Variants in TRMT13 observed in about 807,000 individuals in gnomAD.
The protein encoded by TRMT13 is tRNA:m(4)X modification enzyme TRM13 homolog.
In TRMT13, 45 loss-of-function variants were observed where a neutral mutation model predicts 55.9. That is an observed-to-expected ratio of 0.80 (90% CI 0.63 to 1.03). The LOEUF (loss-of-function observed/expected upper bound fraction) is 1.03. Ranked by LOEUF, TRMT13 falls within the 50% of genes least tolerant of loss-of-function variation. The probability of loss-of-function intolerance (pLI) is 0.00; values close to 1 mark genes in which losing one functional copy is unlikely to be tolerated. For missense variants in TRMT13, 513 were observed against 563.9 expected (o/e 0.91, Z 0.91); for synonymous variants, 183 against 196.3 (o/e 0.93, Z 0.57).
At chr1:100,143,578 A>C (rs1294541935) in intron 8 of TRMT13, among the ~76,000 whole-genome samples, 1 of 152,082 alleles carries the variant, frequency 6.6e-6, no homozygotes, top group Non-Finnish European at 1.5e-5. Flanking sequence ...AGAAAATGAG[A>C]TATTTCTCTG....
At chr1:100,144,196 C>T in intron 9 of TRMT13, 53 bp downstream of exon 9, 2 of 1,368,172 alleles carry the variant, frequency 1.5e-6, no homozygotes, top group South Asian at 2.3e-5. Context: ...TTTGGCCTAA[C>T]CTGGCCCCAA....
At chr1:100,133,726 C>T (rs144546313) in intron 1 of TRMT13, among the ~76,000 whole-genome samples, 1 of 152,182 alleles carries the variant, frequency 6.6e-6, no homozygotes, top group African/African-American at 2.4e-5. Context: ...CTCGTGAATG[C>T]GGTTGGAAGA....
Position 100,136,863 on chromosome 1 carries a change from G to A in TRMT13, c.148-19G>A, listed in dbSNP as rs374907962. 5.8e-6 allele frequency: 9 copies of A among 1,557,650 alleles called. No homozygotes were observed. The highest frequency in any genetic ancestry group is 4.8e-5 in the South Asian group (4 of 83,212). On this transcript the variant is annotated intron_variant, in intron 1 of 10. Coordinates refer to ENST00000370141, the MANE Select transcript of TRMT13 (RefSeq NM_019083.3). ...AACTTGATATTTTATTTAAATAAAT[G>A]TATCTCTTAATTTATTAGGAAGAAG...
At chr1:100,145,038 A>G (rs757955633) in intron 9 of TRMT13, among the ~76,000 whole-genome samples, 5 of 152,180 alleles carry the variant, frequency 3.3e-5, no homozygotes, top group Admixed American at 6.5e-5. Context: ...AAATTATACC[A>G]TATTTTTACT....
intron 1 of TRMT13, 70 bp downstream of exon 1, chr1:100,133,385 C>A: frequency 6.6e-7 from 1 of 1,513,218 alleles, no homozygotes; most frequent in Non-Finnish European, 8.9e-7. Context: ...TGGAACCCGG[C>A]CCCTCCCCTC....
rs552746178 is a variant in TRMT13, at chr1:100,148,528, G to T, written c.1251-97G>T. 75 of 1,179,550 alleles carry T rather than the reference G, an allele frequency of 6.4e-5. No individual in the cohort carries two copies. In the African/African-American group the frequency reaches 9.9e-4, roughly 16 times the overall value. 73.1% of individuals were successfully genotyped at this position (1,179,550 alleles called of 1,614,324 possible). On this transcript the variant is annotated intron_variant, in intron 10 of 10. Transcript: ENST00000370141. The stretch of plus-strand genomic sequence containing the variant: ...GGACAAAGTACTTAGTACATTATGG[G>T]TTAGTTAACAGTCTCTCAATAAATA...
In TRMT13 at chr1:100,149,333, CAATT is replaced by C; in HGVS notation, c.*517_*520del. 2 of 1,541,946 alleles carry C rather than the reference CAATT, an allele frequency of 1.3e-6. No homozygotes were observed. The highest frequency in any genetic ancestry group is 1.7e-6 in the Non-Finnish European group (2 of 1,144,632). On this transcript the variant is annotated 3_prime_UTR_variant, in exon 11 of 11. Transcript: ENST00000370141. ...AATGCAGACAATTCAGAGATATTCA[CAATT>C]AATAAACACAATTAATTAATGAAGT...
intron 9 of TRMT13, among the ~76,000 whole-genome samples, chr1:100,144,890 G>A (rs548853585): frequency 6.6e-6 from 1 of 152,280 alleles, no homozygotes; most frequent in South Asian, 2.1e-4. Flanking sequence ...AGCATCCATA[G>A]ATATTATTCA....
intron 1 of TRMT13, among the ~76,000 whole-genome samples, chr1:100,133,665 A>G (rs746369952): frequency 5.9e-5 from 9 of 152,152 alleles, no homozygotes; most frequent in Non-Finnish European, 1.2e-4. Context: ...TGAAGTCCCA[A>G]AGGTTTCACT....
rs766214911 is a variant in TRMT13 at position 100,140,515 on chromosome 1, G to A, written c.501+1G>A. The A allele has an allele frequency of 1.2e-6, 2 of 1,605,870 alleles. No homozygotes were observed. Among genetic ancestry groups the A allele is most frequent in the Non-Finnish European group, 8.5e-7 (1 of 1,172,572 alleles). On this transcript the variant is annotated splice_donor_variant, in intron 6 of 10. Transcript: ENST00000370141. LOFTEE classifies it high-confidence loss of function. ...TGCAACCAAGCACCTGAAACAGCAG[G>A]TATGTTTAGGCTATAGTAACTACTA...
chr1:100,141,782 A>G (rs1481642302), intron 7 of TRMT13, among the ~76,000 whole-genome samples: 1 of 152,244 alleles, frequency 6.6e-6, no homozygotes, highest in Non-Finnish European at 1.5e-5. Context: ...ATGGAGAATG[A>G]CTATGTAGAA....
rs559507993 is a variant in TRMT13 at position 100,133,244 on chromosome 1, A to T, written c.76A>T (p.Lys26Ter). The T allele has an allele frequency of 6.2e-7, 1 of 1,614,110 alleles. No homozygotes were observed. The highest frequency in any genetic ancestry group is 1.1e-5 in the South Asian group (1 of 91,084). Residue 26 changes from lysine to a stop codon, truncating the protein, a stop_gained, in exon 1 of 11, where the codon AAG (lysine) becomes TAG (stop). Transcript: ENST00000370141. LOFTEE classifies it high-confidence loss of function. ...EGRCGYYVEK[K>*]KRFCRMVVAA... ...TAGATGCGGTTACTATGTGGAAAAG[A>T]AGAAACGGTTCTGCAGGATGGTGGT...
At chr1:100,139,777 AG>A in intron 4 of TRMT13, 66 bp downstream of exon 4, 12 of 1,004,088 alleles carry the variant, frequency 1.2e-5, no homozygotes, top group Non-Finnish European at 1.8e-5. Flanking sequence ...GATGTGAATA[AG>A]GCATGTTCTA....
At chr1:100,141,618 C>T (rs1344618123) in intron 7 of TRMT13, among the ~76,000 whole-genome samples, 1 of 152,166 alleles carries the variant, frequency 6.6e-6, no homozygotes, top group Non-Finnish European at 1.5e-5. Flanking sequence ...AAGTGTGAGC[C>T]ACTGTGCCCA....
At position 100,133,452 on chromosome 1, in the gene TRMT13, C is replaced by T. The variant is rs915912432; in HGVS notation, c.147+137C>T. 76 of 1,077,592 alleles carry T rather than the reference C, an allele frequency of 7.1e-5. No homozygotes were observed. The African/African-American group carries it at 1.1e-3, about 16-fold the overall frequency. 66.8% of individuals were successfully genotyped at this position (1,077,592 alleles called of 1,614,324 possible). A position where few individuals can be genotyped will look rare whatever the true frequency, so the allele number is the denominator to read the frequency against. The stretch of plus-strand genomic sequence containing the variant: ...TCTCCAGCTTTCACTTTAATAAACC[C>T]AGTTTTGCCCTCCTTGCGGAGCGAT... On this transcript the variant is annotated intron_variant, in intron 1 of 10. Transcript: ENST00000370141.
chr1:100,135,323 G>T (rs1323025616), intron 1 of TRMT13, among the ~76,000 whole-genome samples: 3 of 151,916 alleles, frequency 2.0e-5, no homozygotes, highest in Non-Finnish European at 4.4e-5. Context: ...TTTAAAGTCA[G>T]CAATAAGGAA....
Position 100,149,393 on chromosome 1 carries a change from T to C in TRMT13, c.*573T>C. On this transcript the variant is annotated 3_prime_UTR_variant, in exon 11 of 11. Transcript: ENST00000370141. ...TCAAATTTCCAGAGCCATACATGTA[T>C]ATATTGTCAGAATCTGTCCATGACA... 6.5e-7 allele frequency: 1 copy of C among 1,546,374 alleles called. No individual in the cohort carries two copies. The highest frequency in any genetic ancestry group is 1.2e-5 in the South Asian group (1 of 82,684).
chr1:100,135,247 CT>C (rs543119678), intron 1 of TRMT13, among the ~76,000 whole-genome samples: 3 of 151,300 alleles, frequency 2.0e-5, no homozygotes, highest in South Asian at 2.1e-4. Context: ...TTTAAATGTG[CT>C]TTTTTTTTCC....
intron 1 of TRMT13, among the ~76,000 whole-genome samples, chr1:100,136,149 T>C (rs1396587210): frequency 6.6e-6 from 1 of 152,208 alleles, no homozygotes; most frequent in Non-Finnish European, 1.5e-5. Context: ...CATTAAGTGA[T>C]GTAACTTAGG....
Sources: allele counts gnomAD v4.1 joint callset (sites outside exome capture counted in the v4.1 genomes callset), GRCh38; gene constraint gnomAD v4.1.1; transcripts MANE v1.5; gene names NCBI Gene and HGNC (gene_info 2026-07-23, HGNC 2026-07-21).